Variants in PARD3B observed in about 807,000 individuals in gnomAD.
PARD3B encodes the protein par-3 family cell polarity regulator beta.
Under a neutral mutation model 130.2 loss-of-function variants are expected in PARD3B, and 103 were observed. The observed-to-expected ratio is 0.79, with a 90% CI of 0.67 to 0.93. PARD3B has a LOEUF of 0.93. PARD3B is among the 40% of genes least tolerant of loss of function. The pLI, the probability that PARD3B is intolerant of heterozygous loss-of-function variation, is 0.00. For missense variants in PARD3B, 1,609 were observed against 1,499.2 expected (o/e 1.07, Z -1.21); for synonymous variants, 583 against 553.2 (o/e 1.05, Z -0.76).
At chr2:205,112,802 C>T (rs1367945652) in intron 5 of PARD3B, among the ~76,000 whole-genome samples, 3 of 152,086 alleles carry the variant, frequency 2.0e-5, no homozygotes, top group Non-Finnish European at 4.4e-5. Context: ...GTAGGTTAGG[C>T]AGGTCAGGCT....
At chr2:205,036,554 C>T (rs1697917033) in intron 3 of PARD3B, among the ~76,000 whole-genome samples, 1 of 147,890 alleles carries the variant, frequency 6.8e-6, no homozygotes, top group South Asian at 2.1e-4. Flanking sequence ...AATATATATA[C>T]ACAGCGGACT....
In PARD3B at chr2:205,300,656, T is replaced by A; in HGVS notation, c.2312T>A (p.Met771Lys). 6.2e-7 allele frequency: 1 copy of A among 1,613,972 alleles called. No individual in the cohort carries two copies. The highest frequency in any genetic ancestry group is 8.5e-7 in the Non-Finnish European group (1 of 1,180,018). The change falls in exon 17 of 23, where the codon ATG (methionine) becomes AAG (lysine). Residue 771 changes from methionine to lysine, a missense_variant. Met to Lys is a moderately conservative substitution (Grantham distance 95). Transcript: ENST00000406610. The surrounding 1 kb of genome is among the most constrained non-coding windows in gnomAD (Gnocchi z 4.1). ...CCCTTTCACAGGCCCCGGCCGCACA[T>A]GGTTCGAGGCCGAGGCTGCAATGAG... ...DLPFHRPRPH[M>K]VRGRGCNESF...
In PARD3B at chr2:204,939,747, G is replaced by A. The variant is rs1015142204; in HGVS notation, c.223-25405G>A. 3.3e-5 allele frequency among the ~76,000 whole-genome samples: 5 copies of A among 152,256 alleles called. 1 individual carries two copies. The highest frequency in any genetic ancestry group is 6.8e-3 in the Middle Eastern group (2 of 294). ...ATAATTTAAGTGAGTTTTATAAACA[G>A]GGCCTTGTAGCTTTTTGCAAATAAC... On this transcript the variant is annotated intron_variant, in intron 2 of 22. Coordinates refer to ENST00000406610, the MANE Select transcript of PARD3B (RefSeq NM_001302769.2).
At chr2:205,006,944 T>A (rs1366519986) in intron 3 of PARD3B, among the ~76,000 whole-genome samples, 3 of 152,204 alleles carry the variant, frequency 2.0e-5, no homozygotes, top group Non-Finnish European at 2.9e-5. Flanking sequence ...TATGGTTTTA[T>A]GTCTTAGATT....
intron 18 of PARD3B, among the ~76,000 whole-genome samples, chr2:205,393,505 A>G (rs1028951421): frequency 6.6e-6 from 1 of 152,210 alleles, no homozygotes; most frequent in Admixed American, 6.5e-5. Context: ...ATAGACACCC[A>G]AAGACGTTTC....
rs897705902 is a variant in PARD3B at position 205,351,963 on chromosome 2, C to T, written c.2631-49050C>T. ...ATTGCTGAGGAAACACAACCAACAC[C>T]CACTGTTTCAAAGAAAACCATTCTT... On this transcript the variant is annotated intron_variant, in intron 18 of 22. Coordinates refer to ENST00000406610, the MANE Select transcript of PARD3B (RefSeq NM_001302769.2). This position sits in a 1 kb window ranked among gnomAD's most constrained non-coding sequence, Gnocchi z 4.2. Among the ~76,000 whole-genome samples, 8 of 152,098 alleles carry T rather than the reference C, an allele frequency of 5.3e-5. No homozygotes were observed. The highest frequency in any genetic ancestry group is 1.9e-4 in the East Asian group (1 of 5,188).
chr2:205,135,399 G>A (rs2125657322), intron 10 of PARD3B, among the ~76,000 whole-genome samples: 1 of 152,304 alleles, frequency 6.6e-6, no homozygotes, highest in East Asian at 1.9e-4. Context: ...TACCTTAATT[G>A]ATGGTGGTTG....
chr2:205,238,344 G>A (rs573669167), intron 15 of PARD3B, among the ~76,000 whole-genome samples: 5 of 152,214 alleles, frequency 3.3e-5, no homozygotes, highest in African/African-American at 4.8e-5. Context: ...CAGTGGCACC[G>A]GCTGTCATTC....
chr2:204,778,129 G>T (rs572923989), intron 2 of PARD3B, among the ~76,000 whole-genome samples: 1 of 145,146 alleles, frequency 6.9e-6, no homozygotes, highest in South Asian at 2.2e-4. Flanking sequence ...GTGAGAATGG[G>T]CTAACACACC....
At chr2:205,494,569 T>C (rs573536241) in intron 20 of PARD3B, among the ~76,000 whole-genome samples, 9 of 152,352 alleles carry the variant, frequency 5.9e-5, no homozygotes, top group African/African-American at 1.9e-4. Context: ...CATTTTTTAA[T>C]GAATACGGAC....
intron 15 of PARD3B, among the ~76,000 whole-genome samples, chr2:205,224,511 A>T (rs1384446998): frequency 6.7e-6 from 1 of 150,126 alleles, no homozygotes; most frequent in Non-Finnish European, 1.5e-5. Flanking sequence ...CCCATTCATC[A>T]TTCCCACTTC....
chr2:205,161,553 T>A (rs1234767100), intron 11 of PARD3B, among the ~76,000 whole-genome samples: 1 of 152,246 alleles, frequency 6.6e-6, no homozygotes, highest in Non-Finnish European at 1.5e-5. Flanking sequence ...CTACTGTTGT[T>A]CCAGTAATCC....
At chr2:205,086,813 G>A (rs934008401) in intron 4 of PARD3B, among the ~76,000 whole-genome samples, 1 of 152,130 alleles carries the variant, frequency 6.6e-6, no homozygotes, top group Non-Finnish European at 1.5e-5. Context: ...CACAGGGGTG[G>A]GTGTGACTCA....
chr2:204,545,989 C>CG lies in PARD3B; in HGVS notation c.-6dup. 5 of 1,555,052 alleles carry CG rather than the reference C, an allele frequency of 3.2e-6. No individual in the cohort carries two copies. Among genetic ancestry groups the CG allele is most frequent in the Non-Finnish European group, 4.3e-6 (5 of 1,149,862 alleles). Reference sequence around the variant, plus strand: ...GTTCGGCCCGGCCCGGCGTGGTCGCCGGGGGCCAGGATGAAAGTGACCGTG... The same window carrying CG: ...GTTCGGCCCGGCCCGGCGTGGTCGCCGGGGGGCCAGGATGAAAGTGACCGTG... On this transcript the variant is annotated 5_prime_UTR_variant, in exon 1 of 23. Transcript: ENST00000406610.
chr2:205,023,112 T>G (rs1256246602), intron 3 of PARD3B, among the ~76,000 whole-genome samples: 1 of 152,182 alleles, frequency 6.6e-6, no homozygotes, highest in Non-Finnish European at 1.5e-5. Flanking sequence ...CAAATCTTGG[T>G]GCAGTGCCCA....
chr2:205,594,987 G>A (rs1228746271), intron 22 of PARD3B, among the ~76,000 whole-genome samples: 1 of 152,064 alleles, frequency 6.6e-6, no homozygotes, highest in African/African-American at 2.4e-5. Flanking sequence ...AAATATTGAG[G>A]GCCTCAGTAT....
At chr2:205,003,640 A>T (rs886507681) in intron 3 of PARD3B, among the ~76,000 whole-genome samples, 2 of 152,276 alleles carry the variant, frequency 1.3e-5, no homozygotes, top group South Asian at 4.1e-4. Flanking sequence ...ATCCACATCT[A>T]ACATAGGAAA....
chr2:205,064,829 T>C (rs1304106047), intron 4 of PARD3B, among the ~76,000 whole-genome samples: 2 of 152,148 alleles, frequency 1.3e-5, no homozygotes, highest in African/African-American at 4.8e-5. Context: ...GCAACAAAGA[T>C]GTGTAAGTCA....
chr2:205,019,992 T>TCA, intron 3 of PARD3B, among the ~76,000 whole-genome samples: 1 of 152,178 alleles, frequency 6.6e-6, no homozygotes, highest in South Asian at 2.1e-4. Flanking sequence ...TAGCTACCTC[T>TCA]CACACACCCA....
Sources: gnomAD v4.1 joint callset for allele counts (sites outside exome capture counted in the v4.1 genomes callset) on GRCh38, gnomAD v4.1.1 for gene constraint, Gnocchi (gnomAD v3.1) non-coding constraint, MANE v1.5 for transcripts, NCBI Gene and HGNC (gene_info 2026-07-23, HGNC 2026-07-21) for gene names.